VEZT: variants seen among roughly 807,000 people sequenced by gnomAD.
VEZT encodes the protein vezatin.
VEZT carries 39 observed loss-of-function variants against 79.9 expected under a neutral mutation model. The ratio of observed to expected loss-of-function variants is 0.49; its 90% CI spans 0.38 to 0.64. The LOEUF (loss-of-function observed/expected upper bound fraction) is 0.64, where lower values mean the gene tolerates loss of function less well. Among genes scored for constraint, VEZT ranks in the 30% least tolerant of loss-of-function variants. The pLI is 0.00. For missense variants in VEZT, 837 were observed against 893.1 expected (o/e 0.94, Z 0.80); for synonymous variants, 325 against 327.6 (o/e 0.99, Z 0.09).
At chr12:95,298,486 A>G (rs953311502) in intron 11 of VEZT, among the ~76,000 whole-genome samples, 13 of 152,306 alleles carry the variant, frequency 8.5e-5, no homozygotes, top group African/African-American at 2.6e-4. Context: ...TGTCTCTGTA[A>G]CAAAATTACA....
At position 95,292,049 on chromosome 12, in the gene VEZT, A is replaced by G. The variant is rs146846749; in HGVS notation, c.1523-2223A>G. On this transcript the variant is annotated intron_variant, in intron 9 of 11. Transcript: ENST00000436874. ...TCCTAACCTCAAGTGATCAGCCCAT[A>G]TCAGCCTCCCAAAGTGCTGAGATTA... 3.1e-4 allele frequency among the ~76,000 whole-genome samples: 47 copies of G among 152,208 alleles called. 1 individual carries two copies. The East Asian group carries it at 8.9e-3, about 29-fold the overall frequency.
In VEZT at chr12:95,300,806, G is replaced by A. The variant is rs1215285160; in HGVS notation, c.*133G>A. On this transcript the variant is annotated 3_prime_UTR_variant, in exon 12 of 12. Transcript: ENST00000436874. ...GATGTGGATTTACAGGAAGAACCCT[G>A]GTTTGAATAACTGATCTGAAATTAG... is the stretch of plus-strand genomic sequence containing the variant. 5 of 1,249,840 alleles carry A rather than the reference G, an allele frequency of 4.0e-6. No homozygotes were observed. The South Asian group carries it at 6.9e-5, about 17-fold the overall frequency. 77.4% of individuals were successfully genotyped at this position (1,249,840 alleles called of 1,614,324 possible). A position where few individuals can be genotyped will look rare whatever the true frequency, so the allele number is the denominator to read the frequency against.
In VEZT at chr12:95,281,607, G is replaced by A. The variant is rs143601461; in HGVS notation, c.997-706G>A. Among the ~76,000 whole-genome samples, 139 of 150,752 alleles carry A rather than the reference G, an allele frequency of 9.2e-4. 1 individual carries two copies. The East Asian group carries it at 0.016, about 17-fold the overall frequency. On this transcript the variant is annotated intron_variant, in intron 7 of 11. Transcript: ENST00000436874. ...GTCACCCAGGCTGGAGTGCAGTGGC[G>A]CCATCTCAGCTCACTGTAACGTCTG...
intron 2 of VEZT, chr12:95,256,663 TA>T: frequency 9.1e-7 from 1 of 1,100,266 alleles, no homozygotes; most frequent in South Asian, 1.3e-5. Flanking sequence ...AAAGCTTTTT[TA>T]TCAATATATG....
At chr12:95,233,777 A>ATG (rs1440737489) in intron 1 of VEZT, among the ~76,000 whole-genome samples, 3 of 152,254 alleles carry the variant, frequency 2.0e-5, no homozygotes, top group Admixed American at 2.0e-4. Flanking sequence ...ATATATATAT[A>ATG]TGTGTGTGAC....
At chr12:95,271,899 G>A (rs2066679557) in intron 6 of VEZT, among the ~76,000 whole-genome samples, 1 of 152,218 alleles carries the variant, frequency 6.6e-6, no homozygotes, top group Admixed American at 6.5e-5. Flanking sequence ...TAAAATATGG[G>A]CTTGGTGCAG....
chr12:95,259,341 A>G (rs1222522368), intron 3 of VEZT, among the ~76,000 whole-genome samples: 1 of 152,136 alleles, frequency 6.6e-6, no homozygotes, highest in Non-Finnish European at 1.5e-5. Flanking sequence ...TTGTATTGTA[A>G]TATATCCAAC....
chr12:95,244,563 C>T (rs74733817), intron 1 of VEZT, among the ~76,000 whole-genome samples: 2,311 of 151,548 alleles, frequency 0.015, 62 homozygotes, highest in African/African-American at 0.054. Context: ...TGATACGTCA[C>T]TTTAGTCTTT....
At chr12:95,270,019 A>G in intron 5 of VEZT, 32 bp from the exon 6 acceptor site, 2 of 1,599,094 alleles carry the variant, frequency 1.3e-6, no homozygotes, top group Non-Finnish European at 1.7e-6. Context: ...GTACAGTTGT[A>G]TCACATTTTA....
chr12:95,246,473 T>C (rs915270476), intron 1 of VEZT, among the ~76,000 whole-genome samples: 1 of 152,192 alleles, frequency 6.6e-6, no homozygotes, highest in Non-Finnish European at 1.5e-5. Context: ...TGGCAAGAAG[T>C]GTCAGTAGTG....
At chr12:95,294,459 A>G in intron 10 of VEZT, 87 bp downstream of exon 10, 2 of 1,119,160 alleles carry the variant, frequency 1.8e-6, no homozygotes, top group Non-Finnish European at 2.6e-6. Context: ...TTGAATTTAT[A>G]TCAGATCATT....
intron 5 of VEZT, among the ~76,000 whole-genome samples, chr12:95,267,046 G>A (rs1055411833): frequency 6.6e-6 from 1 of 152,076 alleles, no homozygotes; most frequent in African/African-American, 2.4e-5. Context: ...CTCTTGACAT[G>A]TACTAATAAC....
intron 2 of VEZT, among the ~76,000 whole-genome samples, chr12:95,255,234 AAAG>A (rs2063277586): frequency 6.6e-6 from 1 of 151,960 alleles, no homozygotes. Flanking sequence ...AAACAAACAA[AAAG>A]TGTTCTTTTT....
At chr12:95,233,783 G>A (rs1215822976) in intron 1 of VEZT, among the ~76,000 whole-genome samples, 4 of 152,168 alleles carry the variant, frequency 2.6e-5, no homozygotes, top group Non-Finnish European at 4.4e-5. Context: ...ATATATGTGT[G>A]TGACATACAT....
intron 10 of VEZT, among the ~76,000 whole-genome samples, chr12:95,295,514 G>C (rs1465460385): frequency 6.6e-6 from 1 of 152,112 alleles, no homozygotes; most frequent in African/African-American, 2.4e-5. Context: ...CAGGTACGTC[G>C]ATTAGAGAAT....
At position 95,235,280 on chromosome 12, in the gene VEZT, C is replaced by CA. The variant is rs754449144; in HGVS notation, c.37-16660_37-16659insA. On this transcript the variant is annotated intron_variant, in intron 1 of 11. Transcript: ENST00000436874. Reference sequence around the variant, plus strand: ...CTCCCGGACAGGGCGGCTGGCCGGGCGGGGGCTGACCCCCACCCACCTCCC... The same window carrying CA: ...CTCCCGGACAGGGCGGCTGGCCGGGCAGGGGGCTGACCCCCACCCACCTCCC... Among the ~76,000 whole-genome samples the CA allele has an allele frequency of 1.3e-4, 13 of 103,312 alleles. 3 individuals carry two copies. Among genetic ancestry groups the CA allele is most frequent in the African/African-American group, 4.4e-4 (12 of 27,414 alleles). 67.8% of individuals were successfully genotyped at this position (103,312 alleles called of 152,430 possible). A position where few individuals can be genotyped will look rare whatever the true frequency, so the allele number is the denominator to read the frequency against.
chr12:95,294,267 T>A lies in VEZT; in HGVS notation c.1523-5T>A. 6.3e-7 allele frequency: 1 copy of A among 1,576,382 alleles called. No individual in the cohort carries two copies. The highest frequency in any genetic ancestry group is 1.2e-5 in the South Asian group (1 of 85,504). ...TTTATTCCCATCTATTCCCGTTTTT[T>A]AAAGGCAAGCCTGAAATAGCATGTG... On this transcript the variant is annotated splice_region_variant and splice_polypyrimidine_tract_variant and intron_variant, in intron 9 of 11. Transcript: ENST00000436874.
At chr12:95,263,557 G>A (rs1249286615) in intron 4 of VEZT, among the ~76,000 whole-genome samples, 1 of 152,104 alleles carries the variant, frequency 6.6e-6, no homozygotes, top group Non-Finnish European at 1.5e-5. Context: ...AGACTGATAT[G>A]GGAGGATTGC....
chr12:95,266,675 A>T (rs368644161), intron 5 of VEZT, 43 bp downstream of exon 5: 1 of 1,510,376 alleles, frequency 6.6e-7, no homozygotes, highest in East Asian at 2.3e-5. Context: ...ATTATTTTCT[A>T]TTCCATAAAG....
Sources: allele counts gnomAD v4.1 joint callset (sites outside exome capture counted in the v4.1 genomes callset), GRCh38; gene constraint gnomAD v4.1.1; transcripts MANE v1.5; gene names NCBI Gene and HGNC (gene_info 2026-07-23, HGNC 2026-07-21).